PTPRG: variants seen among roughly 807,000 people sequenced by gnomAD.
PTPRG encodes receptor-type tyrosine-protein phosphatase gamma.
PTPRG carries 102 observed loss-of-function variants against 165.3 expected under a neutral mutation model. The ratio of observed to expected loss-of-function variants is 0.62; its 90% CI spans 0.53 to 0.73. PTPRG has a LOEUF of 0.73. PTPRG is among the 30% of genes least tolerant of loss of function. The pLI, the probability that PTPRG is intolerant of heterozygous loss-of-function variation, is 0.00. For missense variants in PTPRG, 1,866 were observed against 1,861.4 expected (o/e 1.00, Z -0.05); for synonymous variants, 675 against 669.5 (o/e 1.01, Z -0.13).
intron 1 of PTPRG, among the ~76,000 whole-genome samples, chr3:61,714,876 C>T (rs1321030533): frequency 2.0e-5 from 3 of 152,196 alleles, no homozygotes; most frequent in Non-Finnish European, 4.4e-5. Flanking sequence ...TGATATTTTC[C>T]ATTACTGGTA....
chr3:62,048,199 G>A (rs984317169), intron 4 of PTPRG, among the ~76,000 whole-genome samples: 9 of 151,974 alleles, frequency 5.9e-5, no homozygotes, highest in Non-Finnish European at 1.2e-4. Flanking sequence ...AAAGAAGAAA[G>A]AAAACAAGGA....
At chr3:62,177,334 C>T (rs1705464811) in intron 8 of PTPRG, among the ~76,000 whole-genome samples, 1 of 152,134 alleles carries the variant, frequency 6.6e-6, no homozygotes, top group Admixed American at 6.5e-5. Flanking sequence ...CACTCTCTTC[C>T]TCAGCCAGTG....
chr3:61,824,527 T>C (rs1357517553), intron 2 of PTPRG, among the ~76,000 whole-genome samples: 1 of 152,178 alleles, frequency 6.6e-6, no homozygotes, highest in Non-Finnish European at 1.5e-5. Flanking sequence ...AATGGAATCC[T>C]TAAGTGAAAC....
intron 15 of PTPRG, among the ~76,000 whole-genome samples, chr3:62,249,191 A>G (rs1402507814): frequency 1.3e-5 from 2 of 152,192 alleles, no homozygotes; most frequent in Non-Finnish European, 2.9e-5. Flanking sequence ...AACTCAGGAA[A>G]TCTTGATAAT....
intron 1 of PTPRG, among the ~76,000 whole-genome samples, chr3:61,582,112 C>T (rs1248030241): frequency 3.3e-5 from 5 of 152,086 alleles, no homozygotes; most frequent in Non-Finnish European, 2.9e-5. Context: ...GTACTACAGA[C>T]GTGTACCACC....
chr3:62,122,419 A>G (rs911656973), intron 5 of PTPRG, among the ~76,000 whole-genome samples: 1 of 152,186 alleles, frequency 6.6e-6, no homozygotes, highest in Non-Finnish European at 1.5e-5. Context: ...TGCAGAGACT[A>G]CATTATGAGA....
At chr3:61,979,143 G>C (rs575306914) in intron 2 of PTPRG, among the ~76,000 whole-genome samples, 106 of 152,276 alleles carry the variant, frequency 7.0e-4, no homozygotes, top group African/African-American at 2.5e-3. Flanking sequence ...AGTAGGACTT[G>C]GATGTTTAAA....
In PTPRG at chr3:62,233,575, T is replaced by C. The variant is rs1041916582; in HGVS notation, c.2375+2264T>C. 6.6e-6 allele frequency among the ~76,000 whole-genome samples: 1 copy of C among 152,166 alleles called. No individual in the cohort carries two copies. The highest frequency in any genetic ancestry group is 2.1e-4 in the South Asian group (1 of 4,824). On this transcript the variant is annotated intron_variant, in intron 14 of 29. Coordinates refer to ENST00000474889, the MANE Select transcript of PTPRG (RefSeq NM_002841.4). The surrounding 1 kb of genome is among the most constrained non-coding windows in gnomAD (Gnocchi z 4.7). ...TCCTGGCTTGTATCTCCACCTAAAA[T>C]GTGGCCAGGAATCAAAAGAAGAGCC...
chr3:61,834,504 T>A (rs1049688731), intron 2 of PTPRG, among the ~76,000 whole-genome samples: 6 of 152,026 alleles, frequency 3.9e-5, no homozygotes, highest in African/African-American at 9.7e-5. Flanking sequence ...AAGACTAGCC[T>A]AGTGAGATCC....
At chr3:61,801,578 T>A (rs1378841504) in intron 2 of PTPRG, among the ~76,000 whole-genome samples, 1 of 152,102 alleles carries the variant, frequency 6.6e-6, no homozygotes. Flanking sequence ...TCAAGTCGGC[T>A]TGTGTCATAA....
intron 1 of PTPRG, among the ~76,000 whole-genome samples, chr3:61,579,369 A>G (rs2366217): frequency 0.79 from 120,721 of 152,088 alleles, 48,721 homozygotes; most frequent in African/African-American, 0.93. Context: ...CTCCTTCACC[A>G]GGGGTGAGGG....
chr3:62,105,874 C>T (rs971889132), intron 5 of PTPRG, among the ~76,000 whole-genome samples: 5 of 152,018 alleles, frequency 3.3e-5, no homozygotes, highest in African/African-American at 7.3e-5. Flanking sequence ...ACTTAATAAG[C>T]GTTTAATGAA....
intron 2 of PTPRG, among the ~76,000 whole-genome samples, chr3:61,905,268 C>T (rs1460485154): frequency 6.6e-6 from 1 of 152,188 alleles, no homozygotes; most frequent in Non-Finnish European, 1.5e-5. Context: ...GGGAGCTTGA[C>T]TGTGATTCCA....
chr3:62,288,677 A>C (rs980375223), intron 28 of PTPRG, among the ~76,000 whole-genome samples: 2 of 152,064 alleles, frequency 1.3e-5, no homozygotes, highest in African/African-American at 4.8e-5. Context: ...CGTCACAAAA[A>C]AAAAAAAAAA....
intron 6 of PTPRG, among the ~76,000 whole-genome samples, chr3:62,142,264 A>G (rs1177321267): frequency 1.3e-5 from 2 of 152,076 alleles, no homozygotes; most frequent in South Asian, 4.1e-4. Context: ...TTAGGAGTTT[A>G]TATGTGGGTG....
At chr3:61,872,174 A>G (rs1438300763) in intron 2 of PTPRG, among the ~76,000 whole-genome samples, 1 of 152,184 alleles carries the variant, frequency 6.6e-6, no homozygotes, top group Non-Finnish European at 1.5e-5. Flanking sequence ...TCACTGAAGG[A>G]TAGCTTCTCT....
chr3:61,697,038 G>A (rs2106685855), intron 1 of PTPRG, among the ~76,000 whole-genome samples: 1 of 152,226 alleles, frequency 6.6e-6, no homozygotes, highest in African/African-American at 2.4e-5. Flanking sequence ...ATGGCACCTT[G>A]GAATTTGAGA....
Position 62,195,411 on chromosome 3 carries a change from A to T in PTPRG, c.1327+241A>T, listed in dbSNP as rs569403849. The stretch of plus-strand genomic sequence containing the variant: ...TTGATTGTTTTATTGTTATTTTCCA[A>T]CTGTGGGGAACCAAGTACTCGGGCC... On this transcript the variant is annotated intron_variant, in intron 10 of 29. Transcript: ENST00000474889. This position sits in a 1 kb window ranked among gnomAD's most constrained non-coding sequence, Gnocchi z 4.4. Among the ~76,000 whole-genome samples the T allele has an allele frequency of 6.6e-6, 1 of 152,286 alleles. No individual in the cohort carries two copies. The highest frequency in any genetic ancestry group is 2.4e-5 in the African/African-American group (1 of 41,568).
At chr3:62,204,890 A>C (rs1361546653) in intron 12 of PTPRG, among the ~76,000 whole-genome samples, 1 of 152,152 alleles carries the variant, frequency 6.6e-6, no homozygotes, top group Non-Finnish European at 1.5e-5. Flanking sequence ...CATAAGCATG[A>C]GGAGTTGTTA....
Sources: allele counts gnomAD v4.1 joint callset (sites outside exome capture counted in the v4.1 genomes callset), GRCh38; gene constraint gnomAD v4.1.1; non-coding constraint Gnocchi (gnomAD v3.1); transcripts MANE v1.5; gene names NCBI Gene and HGNC (gene_info 2026-07-23, HGNC 2026-07-21).